Variants in ERC2 observed in about 807,000 individuals in gnomAD.
ERC2 encodes the protein ERC protein 2.
ERC2 carries 42 observed loss-of-function variants against 114.8 expected under a neutral mutation model. The ratio of observed to expected loss-of-function variants is 0.37; its 90% CI spans 0.29 to 0.47. ERC2 has a LOEUF of 0.47. Ranked by LOEUF, ERC2 falls within the 20% of genes least tolerant of loss-of-function variation. The probability of loss-of-function intolerance (pLI) is 0.99; values close to 1 mark genes in which losing one functional copy is unlikely to be tolerated. For missense variants in ERC2, 939 were observed against 1,150.7 expected, an observed-to-expected ratio of 0.82 and a Z score of 2.66; for synonymous variants, 454 against 425.5, an observed-to-expected ratio of 1.07 and a Z score of -0.82.
chr3:55,972,223 T>G (rs974107579), intron 12 of ERC2, among the ~76,000 whole-genome samples: 1 of 152,332 alleles, frequency 6.6e-6, no homozygotes, highest in East Asian at 1.9e-4. Flanking sequence ...GGGAGAAACA[T>G]GGAGCTGGGA....
intron 2 of ERC2, among the ~76,000 whole-genome samples, chr3:56,350,363 C>T (rs1209598022): frequency 1.3e-5 from 2 of 152,190 alleles, no homozygotes; most frequent in African/African-American, 4.8e-5. Context: ...AGAGTTCACA[C>T]GGTTGGCATA....
At chr3:55,988,482 C>T (rs560641676) in intron 11 of ERC2, among the ~76,000 whole-genome samples, 1 of 152,330 alleles carries the variant, frequency 6.6e-6, no homozygotes, top group South Asian at 2.1e-4. Flanking sequence ...GAGGTAAATG[C>T]ATTGTGTAAA....
chr3:55,642,434 A>C (rs1223514174), intron 17 of ERC2, among the ~76,000 whole-genome samples: 1 of 151,110 alleles, frequency 6.6e-6, no homozygotes, highest in African/African-American at 2.4e-5. Flanking sequence ...CCTGGGGTTC[A>C]AGCAATTCTT....
In ERC2 at chr3:55,997,932, T is replaced by TG. The variant is rs1246043959; in HGVS notation, c.2062-5683_2062-5682insC. On this transcript the variant is annotated intron_variant, in intron 10 of 17. Transcript: ENST00000288221. ...TGTGTGTGTGTGTGTGTTTTTTGTT[T>TG]TTTTTTTTTTTTTGGTAGAGATGGG... 7.2e-5 allele frequency among the ~76,000 whole-genome samples: 10 copies of TG among 138,252 alleles called. 1 individual carries two copies. The highest frequency in any genetic ancestry group is 4.8e-4 in the South Asian group (2 of 4,142). 90.7% of individuals were successfully genotyped at this position (138,252 alleles called of 152,430 possible).
At chr3:56,125,354 T>G (rs976804331) in intron 6 of ERC2, among the ~76,000 whole-genome samples, 4 of 152,186 alleles carry the variant, frequency 2.6e-5, no homozygotes, top group African/African-American at 7.2e-5. Context: ...AAATCTGAAC[T>G]GAGAGTAAAA....
At chr3:56,153,482 G>A (rs2081538857) in intron 4 of ERC2, among the ~76,000 whole-genome samples, 2 of 152,164 alleles carry the variant, frequency 1.3e-5, no homozygotes, top group African/African-American at 4.8e-5. Context: ...ACTGACCAAT[G>A]CAGAAGACAC....
intron 7 of ERC2, among the ~76,000 whole-genome samples, chr3:56,028,324 A>G (rs905534755): frequency 6.6e-6 from 1 of 152,092 alleles, no homozygotes; most frequent in African/African-American, 2.4e-5. Flanking sequence ...AAGTTTGTCT[A>G]TGTCATCAAA....
intron 6 of ERC2, among the ~76,000 whole-genome samples, chr3:56,091,895 AG>A (rs2077813045): frequency 6.6e-6 from 1 of 152,182 alleles, no homozygotes; most frequent in Non-Finnish European, 1.5e-5. Context: ...TCAGAGATAA[AG>A]GACTATATAA....
chr3:55,772,673 C>T (rs2068312305), intron 14 of ERC2, among the ~76,000 whole-genome samples: 1 of 152,132 alleles, frequency 6.6e-6, no homozygotes, highest in African/African-American at 2.4e-5. Context: ...CCATCCTTTC[C>T]CTCCCTAAGC....
At chr3:56,070,599 T>C (rs2076691468) in intron 7 of ERC2, among the ~76,000 whole-genome samples, 1 of 152,162 alleles carries the variant, frequency 6.6e-6, no homozygotes, top group African/African-American at 2.4e-5. Context: ...CGAGAATCAA[T>C]TCTCAGCATG....
At chr3:56,405,005 C>T (rs2060659276) in intron 2 of ERC2, among the ~76,000 whole-genome samples, 1 of 152,062 alleles carries the variant, frequency 6.6e-6, no homozygotes, top group African/African-American at 2.4e-5. Context: ...GGAGAATAGT[C>T]CTGGCAGACC....
At chr3:56,237,856 C>T (rs1243190223) in intron 3 of ERC2, among the ~76,000 whole-genome samples, 2 of 150,622 alleles carry the variant, frequency 1.3e-5, no homozygotes, top group African/African-American at 4.9e-5. Flanking sequence ...GTGAATTATA[C>T]CCTATTTAAA....
chr3:56,364,899 G>A (rs933017499), intron 2 of ERC2, among the ~76,000 whole-genome samples: 1 of 152,136 alleles, frequency 6.6e-6, no homozygotes, highest in Non-Finnish European at 1.5e-5. Context: ...TGATGCTGGT[G>A]GCCCAAAGAG....
At chr3:55,634,964 C>G (rs2059898567) in intron 17 of ERC2, among the ~76,000 whole-genome samples, 1 of 152,002 alleles carries the variant, frequency 6.6e-6, no homozygotes, top group South Asian at 2.1e-4. Context: ...TTACTGCAAC[C>G]TCCGCCTACT....
intron 12 of ERC2, among the ~76,000 whole-genome samples, chr3:55,965,561 A>G (rs962907899): frequency 1.3e-5 from 2 of 152,186 alleles, no homozygotes; most frequent in Admixed American, 6.5e-5. Context: ...GCCCATTTCA[A>G]ACAGTTCTTA....
chr3:55,709,091 C>T (rs2063637232), intron 15 of ERC2, among the ~76,000 whole-genome samples: 1 of 152,148 alleles, frequency 6.6e-6, no homozygotes. Context: ...AGCTCCCTAA[C>T]TAATGAATGG....
At position 56,173,447 on chromosome 3, in the gene ERC2, T is replaced by C. The variant is rs1320843528; in HGVS notation, c.1148A>G (p.Lys383Arg). 1 of 1,613,724 alleles carries C rather than the reference T, an allele frequency of 6.2e-7. No homozygotes were observed. The highest frequency in any genetic ancestry group is 8.5e-7 in the Non-Finnish European group (1 of 1,179,770). The change falls in exon 4 of 18, where the codon AAG becomes AGG. Residue 383 changes from lysine (K) to arginine (R), a missense_variant and splice_region_variant. Coordinates refer to ENST00000288221, the MANE Select transcript of ERC2 (RefSeq NM_015576.3). ...TKALQTVIEM[K>R]DTKIASLERN... is the part of the protein sequence containing the mutation. The stretch of plus-strand genomic sequence containing the variant: ...CTGACAAAAGTGCACAGTTCCTACC[T>C]TCATTTCGATGACAGTCTGGAGAGC...
intron 3 of ERC2, among the ~76,000 whole-genome samples, chr3:56,263,305 T>G (rs1576156180): frequency 6.7e-6 from 1 of 148,772 alleles, no homozygotes; most frequent in Non-Finnish European, 1.5e-5. Context: ...AAAAAAAAAG[T>G]GTTTCTGGAA....
At chr3:56,195,136 T>C (rs540061610) in intron 3 of ERC2, among the ~76,000 whole-genome samples, 3 of 152,304 alleles carry the variant, frequency 2.0e-5, no homozygotes, top group South Asian at 2.1e-4. Context: ...TTGGGGCCAT[T>C]ATTAAGTAAA....
Sources: allele counts gnomAD v4.1 joint callset (sites outside exome capture counted in the v4.1 genomes callset), GRCh38; gene constraint gnomAD v4.1.1; transcripts MANE v1.5; gene names NCBI Gene and HGNC (gene_info 2026-07-23, HGNC 2026-07-21).